The following KCNG2 variants were observed in gnomAD, a reference collection of about 807,000 sequenced individuals.
KCNG2 encodes potassium voltage-gated channel modifier subfamily G member 2.
A neutral mutation model predicts 12.3 loss-of-function variants in KCNG2; 7 were observed. That is an observed-to-expected ratio of 0.57 (90% CI 0.32 to 1.07). The LOEUF (loss-of-function observed/expected upper bound fraction) is 1.07, where lower values mean the gene tolerates loss of function less well. KCNG2 is among the 50% of genes least tolerant of loss of function. The probability of loss-of-function intolerance (pLI) is 0.04; values close to 1 mark genes in which losing one functional copy is unlikely to be tolerated. For synonymous variants in KCNG2, 414 were observed against 351.4 expected (o/e 1.18, Z -1.99); for missense variants, 703 against 726.0 (o/e 0.97, Z 0.36).
At chr18:79,878,056 T>C (rs1189449213) in intron 3 of KCNG2, among the ~76,000 whole-genome samples, 2 of 152,278 alleles carry the variant, frequency 1.3e-5, no homozygotes, top group Non-Finnish European at 2.9e-5. Flanking sequence ...GCACCGGCGC[T>C]GCCGCGTGGT....
chr18:79,875,782 C>T (rs1168098713), intron 3 of KCNG2: 2 of 152,396 alleles, frequency 1.3e-5, no homozygotes, highest in East Asian at 3.8e-4. Context: ...CCTGAGCCCC[C>T]ATTAAGTGCA....
At chr18:79,821,009 T>C (rs1476372778) in intron 1 of KCNG2, among the ~76,000 whole-genome samples, 1 of 152,178 alleles carries the variant, frequency 6.6e-6, no homozygotes, top group Non-Finnish European at 1.5e-5. Context: ...AAACTCATTA[T>C]ATGTTCTTGA....
At chr18:79,837,683 C>G (rs1978346622) in intron 1 of KCNG2, among the ~76,000 whole-genome samples, 3 of 152,242 alleles carry the variant, frequency 2.0e-5, no homozygotes, top group Non-Finnish European at 4.4e-5. Flanking sequence ...GCCTGGACTT[C>G]ATTGTCCATA....
In KCNG2 at chr18:79,863,721, C is replaced by A. The variant is rs1979319501; in HGVS notation, c.54C>A (p.His18Gln). The A allele has an allele frequency of 1.7e-6, 2 of 1,205,270 alleles. No homozygotes were observed. The highest frequency in any genetic ancestry group is 3.2e-5 in the African/African-American group (2 of 63,012). 74.7% of individuals were successfully genotyped at this position (1,205,270 alleles called of 1,614,324 possible). Residue 18 changes from histidine to glutamine, a missense_variant, in exon 3 of 4, where the codon CAC becomes CAA. Physicochemically the swap from His to Gln is conservative, Grantham distance 24. Transcript: ENST00000316249. ...PGGGGGTRAR[H>Q]VIINVGGCRV... ...GCGGCGGCGGGACCCGCGCCCGGCA[C>A]GTCATCATCAACGTGGGCGGCTGCC... is the stretch of plus-strand genomic sequence containing the variant.
At chr18:79,874,719 A>G (rs1043721111) in intron 3 of KCNG2, among the ~76,000 whole-genome samples, 1 of 152,176 alleles carries the variant, frequency 6.6e-6, no homozygotes, top group African/African-American at 2.4e-5. Flanking sequence ...CCAAGGTGGA[A>G]GCTGGTGCAT....
At chr18:79,889,898 T>C (rs1365884841) in intron 3 of KCNG2, among the ~76,000 whole-genome samples, 1 of 152,250 alleles carries the variant, frequency 6.6e-6, no homozygotes, top group African/African-American at 2.4e-5. Context: ...TGCGGAGGTT[T>C]CCTGCTTGTT....
In KCNG2 at chr18:79,899,798, G is replaced by A. The variant is rs1385618252; in HGVS notation, c.1383G>A (p.Trp461Ter). The A allele has an allele frequency of 7.0e-7, 1 of 1,422,524 alleles. No individual in the cohort carries two copies. Among genetic ancestry groups the A allele is most frequent in the Non-Finnish European group, 9.1e-7 (1 of 1,096,512 alleles). The allele number at this position is 1,422,524 out of a possible 1,614,324, so 88.1% of individuals were successfully genotyped here. Residue 461 changes from tryptophan to a stop codon, truncating the protein, a stop_gained, in exon 4 of 4, where the codon TGG becomes TGA. Coordinates refer to ENST00000316249, the MANE Select transcript of KCNG2 (RefSeq NM_012283.2). LOFTEE classifies it low-confidence loss of function (END_TRUNC). Reference protein sequence around the residue: ...GLADDSADALWVRAGR With the variant: ...GLADDSADAL Reference sequence around the variant, plus strand: ...CCGACGACTCCGCGGATGCGCTGTGGGTGCGGGCAGGGCGCTGACGCCTGC... The same window carrying A: ...CCGACGACTCCGCGGATGCGCTGTGAGTGCGGGCAGGGCGCTGACGCCTGC...
intron 3 of KCNG2, among the ~76,000 whole-genome samples, chr18:79,865,347 T>C (rs1979441379): frequency 7.5e-6 from 1 of 133,338 alleles, no homozygotes; most frequent in Non-Finnish European, 1.6e-5. Context: ...TGCTGAGGTC[T>C]GGGTGCTGAG....
chr18:79,810,696 T>C (rs567073534), intron 1 of KCNG2, among the ~76,000 whole-genome samples: 2 of 152,266 alleles, frequency 1.3e-5, no homozygotes, highest in African/African-American at 4.8e-5. Flanking sequence ...CTCAGGAGTT[T>C]GAAGCTGCAG....
intron 2 of KCNG2, among the ~76,000 whole-genome samples, chr18:79,860,468 C>G (rs117951865): frequency 6.6e-6 from 1 of 152,268 alleles, no homozygotes; most frequent in East Asian, 1.9e-4. Context: ...TTGTAGTTTT[C>G]AGTTTTCAGT....
intron 1 of KCNG2, among the ~76,000 whole-genome samples, chr18:79,814,690 G>T (rs1353855211): frequency 6.6e-6 from 1 of 152,180 alleles, no homozygotes; most frequent in African/African-American, 2.4e-5. Flanking sequence ...GCGGAAACTG[G>T]GTAAAGGGTA....
intron 1 of KCNG2, among the ~76,000 whole-genome samples, chr18:79,835,650 A>G (rs1393370042): frequency 1.6e-4 from 24 of 152,194 alleles, no homozygotes; most frequent in Non-Finnish European, 7.4e-5. Flanking sequence ...AGTAAATGCA[A>G]TAGACTTTCC....
chr18:79,893,774 T>C (rs1980837578), intron 3 of KCNG2, among the ~76,000 whole-genome samples: 2 of 152,090 alleles, frequency 1.3e-5, no homozygotes, highest in African/African-American at 4.8e-5. Context: ...ATTGGGTTGT[T>C]CCCTCCGTTC....
In KCNG2 at chr18:79,897,080, G is replaced by T. The variant is rs114441136; in HGVS notation, c.625-1960G>T. ...TGCGGGCCTCTGTGTTTATCCTGCTGGGAGTTCATTGAGCTTCCTGGATAT... is the reference window on the plus strand; with the variant it reads ...TGCGGGCCTCTGTGTTTATCCTGCTTGGAGTTCATTGAGCTTCCTGGATAT... On this transcript the variant is annotated intron_variant, in intron 3 of 3. Coordinates refer to ENST00000316249, the MANE Select transcript of KCNG2 (RefSeq NM_012283.2). 6.2e-3 allele frequency among the ~76,000 whole-genome samples: 949 copies of T among 152,184 alleles called. 13 individuals carry two copies. Among genetic ancestry groups the T allele is most frequent in the African/African-American group, 0.022 (905 of 41,508 alleles).
Position 79,859,304 on chromosome 18 carries a change from A to C in KCNG2, c.-41+2852A>C, listed in dbSNP as rs532992221. ...TTGCTATAAAGGAATACCTGGAGCCAGGTAATTCATTTTAAAAAGAAGCTT... is the reference window on the plus strand; with the variant it reads ...TTGCTATAAAGGAATACCTGGAGCCCGGTAATTCATTTTAAAAAGAAGCTT... On this transcript the variant is annotated intron_variant, in intron 2 of 3. Coordinates refer to ENST00000316249, the MANE Select transcript of KCNG2 (RefSeq NM_012283.2). Among the ~76,000 whole-genome samples, 45 of 152,316 alleles carry C rather than the reference A, an allele frequency of 3.0e-4. 1 individual carries two copies. In the East Asian group the frequency reaches 7.7e-3, roughly 26 times the overall value.
At chr18:79,861,730 C>T (rs1056242889) in intron 2 of KCNG2, among the ~76,000 whole-genome samples, 1 of 152,208 alleles carries the variant, frequency 6.6e-6, no homozygotes, top group Non-Finnish European at 1.5e-5. Context: ...TCTTTCTTCC[C>T]TGTTCCCTCT....
intron 1 of KCNG2, among the ~76,000 whole-genome samples, chr18:79,833,882 G>A (rs1054968633): frequency 6.6e-6 from 1 of 152,218 alleles, no homozygotes; most frequent in Non-Finnish European, 1.5e-5. Context: ...AGTGCGCCGG[G>A]AAGAGAAAGG....
chr18:79,807,206 G>A (rs1235296857), intron 1 of KCNG2, among the ~76,000 whole-genome samples: 1 of 152,154 alleles, frequency 6.6e-6, no homozygotes, highest in East Asian at 1.9e-4. Flanking sequence ...TTCCGAGTGG[G>A]TGGCTCAGGG....
intron 1 of KCNG2, among the ~76,000 whole-genome samples, chr18:79,839,557 T>TA (rs1978399060): frequency 6.6e-6 from 1 of 152,202 alleles, no homozygotes; most frequent in South Asian, 2.1e-4. Context: ...TAACTGTTAA[T>TA]AAACTTGAAT....
Sources: allele counts gnomAD v4.1 joint callset (sites outside exome capture counted in the v4.1 genomes callset), GRCh38; gene constraint gnomAD v4.1.1; transcripts MANE v1.5; gene names NCBI Gene and HGNC (gene_info 2026-07-23, HGNC 2026-07-21).